Variants in MECOM observed in about 807,000 individuals in gnomAD.
MECOM encodes the protein histone-lysine N-methyltransferase MECOM.
A neutral mutation model predicts 116.3 loss-of-function variants in MECOM; 13 were observed. That is an observed-to-expected ratio of 0.11 (90% CI 0.07 to 0.18). The LOEUF (loss-of-function observed/expected upper bound fraction) is 0.18, where lower values mean the gene tolerates loss of function less well. MECOM is among the 10% of genes least tolerant of loss of function. MECOM has a pLI of 1.00. For missense variants in MECOM, 1,299 were observed against 1,509.0 expected, an observed-to-expected ratio of 0.86 and a Z score of 2.31; for synonymous variants, 528 against 535.2, an observed-to-expected ratio of 0.99 and a Z score of 0.19.
intron 2 of MECOM, among the ~76,000 whole-genome samples, chr3:169,162,621 T>C (rs1743007553): frequency 6.6e-6 from 1 of 152,212 alleles, no homozygotes; most frequent in African/African-American, 2.4e-5. Context: ...AAACCCAGCA[T>C]ACTATTGTTC....
At chr3:169,257,800 G>A (rs1278879617) in intron 2 of MECOM, among the ~76,000 whole-genome samples, 1 of 152,178 alleles carries the variant, frequency 6.6e-6, no homozygotes, top group Non-Finnish European at 1.5e-5. Flanking sequence ...TGCCGTAATG[G>A]TGTGGATAAA....
At chr3:169,522,534 T>A (rs1420774605) in intron 1 of MECOM, among the ~76,000 whole-genome samples, 1 of 152,192 alleles carries the variant, frequency 6.6e-6, no homozygotes, top group East Asian at 1.9e-4. Context: ...AGCCAATGTA[T>A]GATAAGTGAC....
intron 1 of MECOM, among the ~76,000 whole-genome samples, chr3:169,466,327 A>T: frequency 6.6e-6 from 1 of 152,178 alleles, no homozygotes; most frequent in East Asian, 1.9e-4. Context: ...GTGCTCCAAC[A>T]TTGCCTGTGA....
At chr3:169,137,585 G>A (rs747026277) in intron 3 of MECOM, among the ~76,000 whole-genome samples, 7 of 152,014 alleles carry the variant, frequency 4.6e-5, no homozygotes, top group Non-Finnish European at 7.4e-5. Context: ...TGTCTTCAGG[G>A]TCACAGTCTA....
chr3:169,598,666 T>C (rs1455902439), intron 1 of MECOM, among the ~76,000 whole-genome samples: 3 of 152,224 alleles, frequency 2.0e-5, no homozygotes, highest in Non-Finnish European at 4.4e-5. Context: ...GTAATGATAC[T>C]TTTCGTCTGA....
At chr3:169,507,419 A>T (rs1755373244) in intron 1 of MECOM, among the ~76,000 whole-genome samples, 1 of 152,168 alleles carries the variant, frequency 6.6e-6, no homozygotes, top group African/African-American at 2.4e-5. Context: ...TCATTCCTCC[A>T]TGCCAATCTA....
At chr3:169,370,604 A>T (rs892799344) in intron 2 of MECOM, among the ~76,000 whole-genome samples, 3 of 152,042 alleles carry the variant, frequency 2.0e-5, no homozygotes, top group African/African-American at 7.2e-5. Flanking sequence ...GGAATGGGAG[A>T]AAATATTTGC....
At chr3:169,281,249 C>T (rs933815368) in intron 2 of MECOM, among the ~76,000 whole-genome samples, 1 of 152,152 alleles carries the variant, frequency 6.6e-6, no homozygotes, top group Non-Finnish European at 1.5e-5. Context: ...ATTCACATTG[C>T]CATCTGAGGA....
chr3:169,090,225 C>T lies in MECOM; in HGVS notation c.3176G>A (p.Ser1059Asn), dbSNP rs1438125475. 1 of 1,607,400 alleles carries T rather than the reference C, an allele frequency of 6.2e-7. No individual in the cohort carries two copies. The highest frequency in any genetic ancestry group is 2.2e-5 in the East Asian group (1 of 44,832). ...CAAAGCCTTTTCATCTTTAAAATGA[C>T]TGCCATTCATTCTTTCAAAAGCATT... ...PRNVEERMNG[S>N]HFKDEKALVT... The change falls in exon 15 of 17, where the codon AGT becomes AAT. Residue 1059 changes from serine to asparagine, a missense_variant. By Grantham distance (46) the Ser-to-Asn change is conservative. Coordinates refer to ENST00000651503, the MANE Select transcript of MECOM (RefSeq NM_004991.4).
At chr3:169,297,329 T>C (rs550121721) in intron 2 of MECOM, among the ~76,000 whole-genome samples, 35 of 152,236 alleles carry the variant, frequency 2.3e-4, no homozygotes, top group Non-Finnish European at 4.6e-4. Context: ...TTGATACTCC[T>C]GAGGTAAAGG....
chr3:169,313,455 CAG>C (rs1473826328), intron 2 of MECOM, among the ~76,000 whole-genome samples: 1 of 152,104 alleles, frequency 6.6e-6, no homozygotes, highest in African/African-American at 2.4e-5. Flanking sequence ...GATGATACTA[CAG>C]AGAGAGGGCA....
At chr3:169,485,835 A>G (rs981159277) in intron 1 of MECOM, among the ~76,000 whole-genome samples, 3 of 141,120 alleles carry the variant, frequency 2.1e-5, no homozygotes, top group African/African-American at 8.1e-5. Flanking sequence ...ATATGTATAT[A>G]TATGTGTGTG....
chr3:169,648,424 AT>A (rs2110070321), intron 1 of MECOM, among the ~76,000 whole-genome samples: 1 of 152,352 alleles, frequency 6.6e-6, no homozygotes, highest in African/African-American at 2.4e-5. Context: ...GGTCAAAAAA[AT>A]ATATATGATA....
chr3:169,123,216 G>C lies in MECOM; in HGVS notation c.831-489C>G, dbSNP rs528212513. 4.0e-5 allele frequency among the ~76,000 whole-genome samples: 6 copies of C among 151,456 alleles called. No individual in the cohort carries two copies. In the South Asian group the frequency reaches 1.3e-3, roughly 32 times the overall value. On this transcript the variant is annotated intron_variant, in intron 5 of 16. Transcript: ENST00000651503. Reference sequence around the variant, plus strand: ...ACACTCAAACAGAAAATGCTTAAAAGTATTCTGTCTAATGTATATAATCTC... The same window carrying C: ...ACACTCAAACAGAAAATGCTTAAAACTATTCTGTCTAATGTATATAATCTC...
chr3:169,274,846 G>C (rs1488081737), intron 2 of MECOM, among the ~76,000 whole-genome samples: 1 of 152,080 alleles, frequency 6.6e-6, no homozygotes, highest in Non-Finnish European at 1.5e-5. Flanking sequence ...AGTTCTATTG[G>C]GCATCTCTTA....
At chr3:169,319,594 A>C (rs1056458403) in intron 2 of MECOM, among the ~76,000 whole-genome samples, 1 of 152,196 alleles carries the variant, frequency 6.6e-6, no homozygotes, top group Non-Finnish European at 1.5e-5. Context: ...TTTAGTGTCT[A>C]TAATGAATTG....
chr3:169,417,911 A>T (rs551186338), intron 1 of MECOM, among the ~76,000 whole-genome samples: 1 of 151,046 alleles, frequency 6.6e-6, no homozygotes, highest in African/African-American at 2.4e-5. Flanking sequence ...GAACAATGAG[A>T]TCACATGGAC....
intron 1 of MECOM, among the ~76,000 whole-genome samples, chr3:169,648,678 T>G (rs1774478387): frequency 6.6e-6 from 1 of 152,212 alleles, no homozygotes; most frequent in Admixed American, 6.5e-5. Context: ...GCAAAGACAG[T>G]TGGAAGAGAA....
At chr3:169,416,802 G>A (rs567043008) in intron 1 of MECOM, among the ~76,000 whole-genome samples, 52 of 152,036 alleles carry the variant, frequency 3.4e-4, no homozygotes, top group African/African-American at 8.9e-4. Context: ...AAATAACGCC[G>A]CATATCTACA....
Sources: gnomAD v4.1 joint callset for allele counts (sites outside exome capture counted in the v4.1 genomes callset) on GRCh38, gnomAD v4.1.1 for gene constraint, MANE v1.5 for transcripts, NCBI Gene and HGNC (gene_info 2026-07-23, HGNC 2026-07-21) for gene names.